Variants in RBM19 observed in about 807,000 individuals in gnomAD.
RBM19 encodes probable RNA-binding protein 19.
A neutral mutation model predicts 116.8 loss-of-function variants in RBM19; 94 were observed. The observed-to-expected ratio is 0.80, with a 90% CI of 0.68 to 0.95. RBM19 has a LOEUF of 0.95. Among genes scored for constraint, RBM19 ranks in the 40% least tolerant of loss-of-function variants. The probability of loss-of-function intolerance (pLI) is 0.00; values close to 1 mark genes in which losing one functional copy is unlikely to be tolerated. For synonymous variants in RBM19, 475 were observed against 494.1 expected, an observed-to-expected ratio of 0.96 and a Z score of 0.51; for missense variants, 1,161 against 1,220.7, an observed-to-expected ratio of 0.95 and a Z score of 0.73.
chr12:113,845,299 C>T (rs572619976), intron 22 of RBM19, among the ~76,000 whole-genome samples: 67 of 152,248 alleles, frequency 4.4e-4, no homozygotes, highest in African/African-American at 1.4e-3. Flanking sequence ...TTCGCTTCCT[C>T]GCTGGTTCCC....
downstream of RBM19, chr12:113,818,066 G>A (rs1214502739): frequency 6.6e-6 from 1 of 151,368 alleles, no homozygotes; most frequent in Non-Finnish European, 1.5e-5. Context: ...CAGTCTCTAT[G>A]AAAAATACAA....
chr12:113,887,831 T>C (rs1276341974), intron 21 of RBM19, among the ~76,000 whole-genome samples: 2 of 151,652 alleles, frequency 1.3e-5, no homozygotes, highest in Non-Finnish European at 2.9e-5. Flanking sequence ...GGTGATCCTC[T>C]TACCTCAGCC....
At chr12:113,939,578 T>C (rs926162851) in intron 15 of RBM19, among the ~76,000 whole-genome samples, 2 of 151,388 alleles carry the variant, frequency 1.3e-5, no homozygotes, top group Non-Finnish European at 2.9e-5. Context: ...TGAAACCCCG[T>C]CTCTACCAAA....
chr12:113,915,714 A>G (rs1882732169), intron 20 of RBM19, among the ~76,000 whole-genome samples: 1 of 152,232 alleles, frequency 6.6e-6, no homozygotes, highest in Admixed American at 6.5e-5. Context: ...GGCAAGTAAC[A>G]TGGCCGCTCT....
At chr12:113,963,953 A>T (rs1164652599) in intron 1 of RBM19, among the ~76,000 whole-genome samples, 2 of 152,188 alleles carry the variant, frequency 1.3e-5, no homozygotes, top group African/African-American at 4.8e-5. Context: ...CTATTCCAGG[A>T]GGCCTTTCTT....
intron 21 of RBM19, among the ~76,000 whole-genome samples, chr12:113,869,909 C>A (rs1361233937): frequency 6.6e-6 from 1 of 152,152 alleles, no homozygotes; most frequent in Non-Finnish European, 1.5e-5. Context: ...AACTTGACAC[C>A]CTTTGTTTTG....
rs1406209267 is a variant in RBM19 at position 113,885,987 on chromosome 12, G to A, written c.2559-27091C>T. ...GGGTTCATGCAATTCTCCTGCCTCAGCCTCCCAAGTAGCTGGGACTACAGG... is the reference window on the plus strand; with the variant it reads ...GGGTTCATGCAATTCTCCTGCCTCAACCTCCCAAGTAGCTGGGACTACAGG... On this transcript the variant is annotated intron_variant, in intron 21 of 23. Coordinates refer to ENST00000261741, the MANE Select transcript of RBM19 (RefSeq NM_016196.4). Among the ~76,000 whole-genome samples the A allele has an allele frequency of 2.7e-5, 4 of 150,940 alleles. 1 individual carries two copies. In the East Asian group the frequency reaches 7.8e-4, roughly 30 times the overall value.
At chr12:113,948,443 C>A (rs7979675) in intron 10 of RBM19, among the ~76,000 whole-genome samples, 1 of 152,058 alleles carries the variant, frequency 6.6e-6, no homozygotes, top group Non-Finnish European at 1.5e-5. Flanking sequence ...TACGGAGGAA[C>A]GCCGTGTAGG....
intron 23 of RBM19, among the ~76,000 whole-genome samples, chr12:113,836,151 T>C (rs776136419): frequency 2.0e-5 from 3 of 152,116 alleles, no homozygotes; most frequent in East Asian, 3.9e-4. Flanking sequence ...CAGTGAAGAA[T>C]AGCACTTCAC....
intron 23 of RBM19, among the ~76,000 whole-genome samples, chr12:113,828,334 C>T (rs1366084268): frequency 2.6e-5 from 4 of 152,154 alleles, no homozygotes. Flanking sequence ...CTACAGGTAA[C>T]TGATGAGGCT....
intron 23 of RBM19, among the ~76,000 whole-genome samples, chr12:113,826,380 T>C (rs1004956446): frequency 1.3e-5 from 2 of 152,226 alleles, no homozygotes; most frequent in African/African-American, 4.8e-5. Context: ...TGGCACATAG[T>C]AGATGCTCAA....
chr12:113,942,379 T>C lies in RBM19; in HGVS notation c.1682A>G (p.Gln561Arg), dbSNP rs777687624. The C allele has an allele frequency of 2.5e-6, 4 of 1,609,524 alleles. No individual in the cohort carries two copies. Among genetic ancestry groups the C allele is most frequent in the Admixed American group, 1.7e-5 (1 of 59,972 alleles). The change falls in exon 14 of 24, where the codon CAG (glutamine) becomes CGG (arginine). Residue 561 changes from glutamine (Q) to arginine (R), a missense_variant. Gln to Arg is a conservative substitution (Grantham distance 43). Coordinates refer to ENST00000261741, the MANE Select transcript of RBM19 (RefSeq NM_016196.4). ...RVALGETQLV[Q>R]EVRRFLIDNG... is the part of the protein sequence containing the mutation. ...GTCTATGAGAAAACGCCGCACTTCC[T>C]GGACGAGCTGGGTTTCCCCCAGAGC...
At chr12:113,819,009 CTCT>C (rs1874247445), downstream of RBM19, among the ~76,000 whole-genome samples, 1 of 152,248 alleles carries the variant, frequency 6.6e-6, no homozygotes, top group African/African-American at 2.4e-5. Context: ...CCTGGAGTTT[CTCT>C]TCTACCAGCC....
chr12:113,841,062 C>T (rs1279302663), intron 23 of RBM19, among the ~76,000 whole-genome samples: 2 of 152,204 alleles, frequency 1.3e-5, no homozygotes, highest in African/African-American at 4.8e-5. Flanking sequence ...TGTCCCCTTC[C>T]AGAACCTGGG....
intron 15 of RBM19, among the ~76,000 whole-genome samples, chr12:113,937,937 A>G (rs1309311117): frequency 6.6e-6 from 1 of 152,130 alleles, no homozygotes; most frequent in African/African-American, 2.4e-5. Flanking sequence ...AGCCTTGCAA[A>G]TCAGTTATTT....
chr12:113,907,556 A>T (rs1882150572), intron 21 of RBM19, among the ~76,000 whole-genome samples: 1 of 152,232 alleles, frequency 6.6e-6, no homozygotes, highest in Non-Finnish European at 1.5e-5. Flanking sequence ...AACAGGGCAG[A>T]GTGGGGAAAT....
intron 21 of RBM19, among the ~76,000 whole-genome samples, chr12:113,897,746 A>G (rs1264660219): frequency 6.6e-6 from 1 of 152,244 alleles, no homozygotes; most frequent in East Asian, 1.9e-4. Context: ...CCACTCCTGC[A>G]GATTACAGTA....
chr12:113,842,296 T>C (rs1229068949), intron 23 of RBM19, among the ~76,000 whole-genome samples: 1 of 149,472 alleles, frequency 6.7e-6, no homozygotes, highest in Non-Finnish European at 1.5e-5. Context: ...GGTTGGGGGA[T>C]GGGGGTGGCG....
At position 113,863,875 on chromosome 12, in the gene RBM19, A is replaced by T. The variant is rs115059500; in HGVS notation, c.2559-4979T>A. Among the ~76,000 whole-genome samples, 1,168 of 152,316 alleles carry T rather than the reference A, an allele frequency of 7.7e-3. 19 individuals are homozygous for T. Among genetic ancestry groups the T allele is most frequent in the African/African-American group, 0.027 (1,129 of 41,564 alleles). ...AAAGCCTTTCAAATATGCCACCCCT[A>T]CCAATTTTCTAACACACATGATGCA... is the stretch of plus-strand genomic sequence containing the variant. On this transcript the variant is annotated intron_variant, in intron 21 of 23. Transcript: ENST00000261741.
Sources: allele counts gnomAD v4.1 joint callset (sites outside exome capture counted in the v4.1 genomes callset), GRCh38; gene constraint gnomAD v4.1.1; transcripts MANE v1.5; gene names NCBI Gene and HGNC (gene_info 2026-07-23, HGNC 2026-07-21).